LYRM4: variants seen among roughly 807,000 people sequenced by gnomAD.
The protein encoded by LYRM4 is LYR motif containing 4, also known as LYR motif-containing protein 4.
A neutral mutation model predicts 11.7 loss-of-function variants in LYRM4; 9 were observed. That is an observed-to-expected ratio of 0.77 (90% CI 0.46 to 1.34). The LOEUF is 1.34. Among genes scored for constraint, LYRM4 ranks in the 40% most tolerant of loss-of-function variants. The probability of loss-of-function intolerance (pLI) is 0.00; values close to 1 mark genes in which losing one functional copy is unlikely to be tolerated. For synonymous variants in LYRM4, 42 were observed against 40.4 expected, an observed-to-expected ratio of 1.04 and a Z score of -0.15; for missense variants, 133 against 112.5, an observed-to-expected ratio of 1.18 and a Z score of -0.82.
chr6:5,154,179 C>T (rs962198825), intron 2 of LYRM4, among the ~76,000 whole-genome samples: 1 of 152,138 alleles, frequency 6.6e-6, no homozygotes, highest in African/African-American at 2.4e-5. Context: ...CCCACCCCAT[C>T]AAGTAATTAT....
intron 2 of LYRM4, among the ~76,000 whole-genome samples, chr6:5,114,510 C>T (rs553199070): frequency 1.2e-4 from 18 of 152,196 alleles, no homozygotes; most frequent in African/African-American, 2.6e-4. Context: ...ATCTGTGCCC[C>T]GTGGCAAGTG....
intron 1 of LYRM4, among the ~76,000 whole-genome samples, chr6:5,234,187 T>C (rs1763403296): frequency 6.6e-6 from 1 of 152,272 alleles, no homozygotes; most frequent in Non-Finnish European, 1.5e-5. Context: ...AGAACTGCTT[T>C]ACATTTGAAG....
chr6:5,118,094 A>ATATATATATATATATTTTTTT, intron 2 of LYRM4, among the ~76,000 whole-genome samples: 22 of 86,124 alleles, frequency 2.6e-4, no homozygotes, highest in African/African-American at 7.0e-4. Context: ...ATATATATAT[A>ATATATATATATATATTTTTTT]TTTTTGTTTT....
intron 1 of LYRM4, among the ~76,000 whole-genome samples, chr6:5,224,588 G>A (rs1762770508): frequency 6.6e-6 from 1 of 152,154 alleles, no homozygotes; most frequent in Non-Finnish European, 1.5e-5. Context: ...AGATTTATAA[G>A]CATTAAAAAT....
chr6:5,068,792 AG>A, the LYRM4 span, among the ~76,000 whole-genome samples: 5 of 151,980 alleles, frequency 3.3e-5, no homozygotes, highest in African/African-American at 1.2e-4. This position sits in a 1 kb window ranked among gnomAD's most constrained non-coding sequence, Gnocchi z 4.0. Flanking sequence ...TAAAAAAAAA[AG>A]AATTTAAAAA....
chr6:5,119,570 T>G (rs1763312652), intron 2 of LYRM4, among the ~76,000 whole-genome samples: 1 of 151,922 alleles, frequency 6.6e-6, no homozygotes, highest in South Asian at 2.1e-4. Flanking sequence ...GCGGATCACT[T>G]GTGGCCAGGA....
intron 2 of LYRM4, among the ~76,000 whole-genome samples, chr6:5,197,005 A>C (rs1761092396): frequency 6.6e-6 from 1 of 152,214 alleles, no homozygotes; most frequent in Non-Finnish European, 1.5e-5. Flanking sequence ...AGCCTCCCCA[A>C]GTGCTTTGAC....
chr6:5,210,176 G>T (rs1427799950), intron 2 of LYRM4, among the ~76,000 whole-genome samples: 2 of 152,066 alleles, frequency 1.3e-5, no homozygotes, highest in Non-Finnish European at 2.9e-5. Flanking sequence ...TTAAGTTCTT[G>T]GTGAAAAATG....
chr6:5,055,739 C>G, the LYRM4 span, among the ~76,000 whole-genome samples: 34,297 of 152,042 alleles, frequency 0.23, 6,557 homozygotes, highest in African/African-American at 0.53. The surrounding 1 kb of genome is among the most constrained non-coding windows in gnomAD (Gnocchi z 4.5). Flanking sequence ...TTAGCTAAGA[C>G]ATCTCTGGTC....
At chr6:5,171,664 C>T (rs921864380) in intron 2 of LYRM4, among the ~76,000 whole-genome samples, 4 of 152,208 alleles carry the variant, frequency 2.6e-5, no homozygotes, top group South Asian at 2.1e-4. Flanking sequence ...GTTAACCAAC[C>T]GTATAAACAT....
At chr6:5,208,986 T>C (rs1230054796) in intron 2 of LYRM4, among the ~76,000 whole-genome samples, 3 of 152,244 alleles carry the variant, frequency 2.0e-5, no homozygotes, top group Non-Finnish European at 4.4e-5. Context: ...GGGGCAGTTC[T>C]GGTCATTGTA....
At chr6:5,089,607 A>T in the LYRM4 span, 6 of 152,314 alleles carry the variant, frequency 3.9e-5, no homozygotes, top group African/African-American at 1.4e-4. Flanking sequence ...ACCATTACTG[A>T]TTTTCAAAAC....
the LYRM4 span, among the ~76,000 whole-genome samples, chr6:5,040,710 G>C: frequency 1.3e-5 from 2 of 152,114 alleles, no homozygotes; most frequent in Non-Finnish European, 2.9e-5. Flanking sequence ...CAATTACCCT[G>C]ATTTGATTAT....
At chr6:5,215,267 A>G (rs539958966) in intron 2 of LYRM4, among the ~76,000 whole-genome samples, 2 of 152,312 alleles carry the variant, frequency 1.3e-5, no homozygotes, top group South Asian at 4.1e-4. Context: ...CAAAGTAAGA[A>G]CTCAGCTGCT....
intron 1 of LYRM4, among the ~76,000 whole-genome samples, chr6:5,224,616 TC>T (rs1762771435): frequency 6.6e-6 from 1 of 152,196 alleles, no homozygotes. Context: ...ACCTAAGTTT[TC>T]AATAATAGAG....
At chr6:5,194,861 C>T (rs1760963519) in intron 2 of LYRM4, among the ~76,000 whole-genome samples, 1 of 152,194 alleles carries the variant, frequency 6.6e-6, no homozygotes, top group South Asian at 2.1e-4. Flanking sequence ...GTAGCTGGGA[C>T]TCCAGGTGTG....
the LYRM4 span, among the ~76,000 whole-genome samples, chr6:5,081,294 G>T: frequency 6.6e-6 from 1 of 152,246 alleles, no homozygotes; most frequent in East Asian, 1.9e-4. Context: ...GCTTGGAAAA[G>T]CAGTCCATCC....
intron 2 of LYRM4, among the ~76,000 whole-genome samples, chr6:5,199,416 G>A (rs1228268373): frequency 6.6e-6 from 1 of 152,168 alleles, no homozygotes; most frequent in African/African-American, 2.4e-5. Context: ...GTTTCTTTCT[G>A]CGGTGATGAA....
In LYRM4 at chr6:5,231,006, G is replaced by T. The variant is rs1581561099; in HGVS notation, c.87-14268C>A. Among the ~76,000 whole-genome samples the T allele has an allele frequency of 2.0e-5, 3 of 152,306 alleles. 1 individual carries two copies. On this transcript the variant is annotated intron_variant, in intron 1 of 2. Transcript: ENST00000330636. ...TAAACACATTTCAAGGCCAGGTGCG[G>T]TGGCTCACGCCTGTAATCCCAGCAC...
Sources: allele counts gnomAD v4.1 joint callset (sites outside exome capture counted in the v4.1 genomes callset), GRCh38; gene constraint gnomAD v4.1.1; non-coding constraint Gnocchi (gnomAD v3.1); transcripts MANE v1.5; gene names NCBI Gene and HGNC (gene_info 2026-07-23, HGNC 2026-07-21).